The following ANKH variants were observed in gnomAD, a reference collection of about 807,000 sequenced individuals.
ANKH encodes ANKH inorganic pyrophosphate transport regulator, also known as mineralization regulator ANKH.
Under a neutral mutation model 49.0 loss-of-function variants are expected in ANKH, and 15 were observed. The ratio of observed to expected loss-of-function variants is 0.31; its 90% CI spans 0.20 to 0.47. ANKH has a LOEUF of 0.47. Among genes scored for constraint, ANKH ranks in the 20% least tolerant of loss-of-function variants. The probability of loss-of-function intolerance (pLI) is 1.00; values close to 1 mark genes in which losing one functional copy is unlikely to be tolerated. For synonymous variants in ANKH, 273 were observed against 260.0 expected (o/e 1.05, Z -0.48); for missense variants, 429 against 652.0 (o/e 0.66, Z 3.72).
At chr5:14,787,925 T>C (rs1740032665) in intron 1 of ANKH, among the ~76,000 whole-genome samples, 1 of 152,236 alleles carries the variant, frequency 6.6e-6, no homozygotes, top group African/African-American at 2.4e-5. Context: ...ACCTTCTCCC[T>C]GTTGGACTCA....
Position 14,745,956 on chromosome 5 carries a change from C to A in ANKH, c.829G>T (p.Ala277Ser). ...GGSSAATEAV[A>S]ILTATYPVGH... ...ACAGGGTATGTGGCTGTCAAAATCGCCACTGCCTGCAACAGGAAGAGGTGG... is the reference window on the plus strand; with the variant it reads ...ACAGGGTATGTGGCTGTCAAAATCGACACTGCCTGCAACAGGAAGAGGTGG... Residue 277 changes from alanine to serine, a missense_variant, in exon 7 of 12, where the codon GCG (alanine) becomes TCG (serine). By Grantham distance (99) the Ala-to-Ser change is moderately conservative. This residue lies in a region of ANKH where 378 missense variants were observed against 615.3 expected (regional missense o/e 0.61). Transcript: ENST00000284268. The surrounding 1 kb of genome is among the most constrained non-coding windows in gnomAD (Gnocchi z 4.7). 6.2e-7 allele frequency: 1 copy of A among 1,614,024 alleles called. No individual in the cohort carries two copies. The highest frequency in any genetic ancestry group is 8.5e-7 in the Non-Finnish European group (1 of 1,179,924).
At chr5:14,871,176 GGGGA>G in intron 1 of ANKH, 172 bp downstream of exon 1, 3 of 688,886 alleles carry the variant, frequency 4.4e-6, no homozygotes, top group Non-Finnish European at 5.3e-6. Context: ...GAATAATTGA[GGGGA>G]GGGAGGGAGG....
intron 2 of ANKH, among the ~76,000 whole-genome samples, chr5:14,766,709 A>G (rs1174589411): frequency 1.3e-5 from 2 of 152,258 alleles, no homozygotes; most frequent in Non-Finnish European, 2.9e-5. Flanking sequence ...TCTGATTTAT[A>G]TTCCCACTCT....
At position 14,745,726 on chromosome 5, in the gene ANKH, TC is replaced by T; in HGVS notation, c.915+143del. On this transcript the variant is annotated intron_variant, in intron 7 of 11. Coordinates refer to ENST00000284268, the MANE Select transcript of ANKH (RefSeq NM_054027.6). This position sits in a 1 kb window ranked among gnomAD's most constrained non-coding sequence, Gnocchi z 4.7. Reference sequence around the variant, plus strand: ...CCCTGTTATTTTCTGAGGAAAATATTCCTTCAATGCCCCCAACGTCACATTA... The same window carrying T: ...CCCTGTTATTTTCTGAGGAAAATATTCTTCAATGCCCCCAACGTCACATTA... 2.7e-6 allele frequency: 2 copies of T among 746,756 alleles called. No homozygotes were observed. The highest frequency in any genetic ancestry group is 4.0e-5 in the Admixed American group (2 of 49,542). The allele number at this position is 746,756 out of a possible 1,614,324, so 46.3% of individuals were successfully genotyped here. A position where few individuals can be genotyped will look rare whatever the true frequency, so the allele number is the denominator to read the frequency against.
chr5:14,746,109 G>A, intron 6 of ANKH, 147 bp from the exon 7 acceptor site: 1 of 710,234 alleles, frequency 1.4e-6, no homozygotes. Context: ...GCAAGCACAG[G>A]ACGGCCCAGG....
chr5:14,808,062 C>T (rs1561064861), intron 1 of ANKH, among the ~76,000 whole-genome samples: 1 of 152,158 alleles, frequency 6.6e-6, no homozygotes, highest in Admixed American at 6.5e-5. Flanking sequence ...TGCTACCTTG[C>T]ACTTCCAATA....
intron 2 of ANKH, among the ~76,000 whole-genome samples, chr5:14,763,567 G>C (rs1033411962): frequency 6.6e-6 from 1 of 152,212 alleles, no homozygotes; most frequent in Non-Finnish European, 1.5e-5. Context: ...AGGTCTTGAA[G>C]AGATACCATA....
In ANKH at chr5:14,707,009, G is replaced by T. The variant is rs1363930030; in HGVS notation, c.*4188C>A. 1 of 152,138 alleles carries T rather than the reference G, an allele frequency of 6.6e-6. No homozygotes were observed. The highest frequency in any genetic ancestry group is 1.5e-5 in the Non-Finnish European group (1 of 68,024). 9.4% of individuals were successfully genotyped at this position (152,138 alleles called of 1,614,324 possible). A position where few individuals can be genotyped will look rare whatever the true frequency, so the allele number is the denominator to read the frequency against. On this transcript the variant is annotated 3_prime_UTR_variant, in exon 12 of 12. Transcript: ENST00000284268. ...TTCCTCACACTCCACTGCAATTTTG[G>T]TTCCAAAGAAAGGTGAGGAGCAGAA...
intron 9 of ANKH, among the ~76,000 whole-genome samples, chr5:14,716,416 C>CGGGAGGCAGAGGTTGCA (rs1737461389): frequency 6.6e-6 from 1 of 152,044 alleles, no homozygotes; most frequent in Non-Finnish European, 1.5e-5. Context: ...TGCTTGAACC[C>CGGGAGGCAGAGGTTGCA]GGGAGGCAGA....
At chr5:14,798,182 C>T (rs1332061411) in intron 1 of ANKH, 38 of 1,579,916 alleles carry the variant, frequency 2.4e-5, no homozygotes, top group Admixed American at 5.0e-5. Flanking sequence ...TTTGTTCATC[C>T]GATGTGTGTG....
In ANKH at chr5:14,758,513, C is replaced by A; in HGVS notation, c.399G>T (p.Leu133=). ...SVGSKTRRAF[L]YLAAFPFMDA... ...CCATGAAAGGAAAGGCGGCGAGGTA[C>A]AGGAAGGCCCTTCTCGTCTTGCTCC... is the stretch of plus-strand genomic sequence containing the variant. The change falls in exon 3 of 12, where the codon CTG becomes CTT. Residue 133 remains leucine (L), a synonymous_variant. Coordinates refer to ENST00000284268, the MANE Select transcript of ANKH (RefSeq NM_054027.6). 4 of 1,614,136 alleles carry A rather than the reference C, an allele frequency of 2.5e-6. No individual in the cohort carries two copies. Among genetic ancestry groups the A allele is most frequent in the Non-Finnish European group, 3.4e-6 (4 of 1,179,994 alleles).
chr5:14,761,897 C>T (rs1430811535), intron 2 of ANKH, among the ~76,000 whole-genome samples: 1 of 152,098 alleles, frequency 6.6e-6, no homozygotes, highest in East Asian at 1.9e-4. Context: ...TCCCAAGTAG[C>T]TGGGACTACA....
At chr5:14,826,388 CA>C (rs902444484) in intron 1 of ANKH, among the ~76,000 whole-genome samples, 3 of 152,176 alleles carry the variant, frequency 2.0e-5, no homozygotes, top group Non-Finnish European at 1.5e-5. Flanking sequence ...ATTAAAGGGA[CA>C]GCGAAAAAGA....
intron 1 of ANKH, among the ~76,000 whole-genome samples, chr5:14,835,659 T>A (rs1323026048): frequency 6.6e-6 from 1 of 152,140 alleles, no homozygotes; most frequent in African/African-American, 2.4e-5. Context: ...ATGCTCTTTG[T>A]CTTCTGACAA....
chr5:14,754,136 T>C (rs1738804352), intron 4 of ANKH, among the ~76,000 whole-genome samples: 1 of 152,200 alleles, frequency 6.6e-6, no homozygotes, highest in South Asian at 2.1e-4. Context: ...GCATCTGAAC[T>C]CGGCTTCCAC....
At chr5:14,839,693 C>G (rs1451610076) in intron 1 of ANKH, among the ~76,000 whole-genome samples, 3 of 152,152 alleles carry the variant, frequency 2.0e-5, no homozygotes, top group Non-Finnish European at 4.4e-5. Context: ...GAAGAAACTT[C>G]AAGACACTGG....
intron 5 of ANKH, among the ~76,000 whole-genome samples, chr5:14,750,079 A>G (rs1282924298): frequency 1.3e-5 from 2 of 152,208 alleles, no homozygotes; most frequent in Non-Finnish European, 2.9e-5. Context: ...GGATAACTAG[A>G]TAGGATTTTA....
intron 1 of ANKH, among the ~76,000 whole-genome samples, chr5:14,848,058 T>C (rs1742014723): frequency 6.6e-6 from 1 of 152,192 alleles, no homozygotes; most frequent in South Asian, 2.1e-4. Flanking sequence ...GAGAATCACC[T>C]GAACCCAGGA....
intron 1 of ANKH, among the ~76,000 whole-genome samples, chr5:14,800,588 C>T (rs548888919): frequency 6.6e-6 from 1 of 152,348 alleles, no homozygotes; most frequent in South Asian, 2.1e-4. Flanking sequence ...ATGATTACAA[C>T]TCTTTGAAAG....
Sources: allele counts gnomAD v4.1 joint callset (sites outside exome capture counted in the v4.1 genomes callset), GRCh38; gene constraint gnomAD v4.1.1; regional missense constraint gnomAD v4.1.1; non-coding constraint Gnocchi (gnomAD v3.1); transcripts MANE v1.5; gene names NCBI Gene and HGNC (gene_info 2026-07-23, HGNC 2026-07-21).